WDR7: variants seen among roughly 807,000 people sequenced by gnomAD.
WDR7 encodes the protein WD repeat domain 7, also known as WD repeat-containing protein 7.
WDR7 carries 46 observed loss-of-function variants against 169.4 expected under a neutral mutation model. The ratio of observed to expected loss-of-function variants is 0.27; its 90% CI spans 0.21 to 0.35. The LOEUF is 0.35. Ranked by LOEUF, WDR7 falls within the 10% of genes least tolerant of loss-of-function variation. The probability of loss-of-function intolerance (pLI) is 1.00; values close to 1 mark genes in which losing one functional copy is unlikely to be tolerated. For missense variants in WDR7, 1,534 were observed against 1,859.3 expected, an observed-to-expected ratio of 0.83 and a Z score of 3.22; for synonymous variants, 612 against 666.8, an observed-to-expected ratio of 0.92 and a Z score of 1.27.
At chr18:56,717,298 C>G (rs1362923252) in intron 12 of WDR7, among the ~76,000 whole-genome samples, 1 of 152,030 alleles carries the variant, frequency 6.6e-6, no homozygotes, top group Non-Finnish European at 1.5e-5. Flanking sequence ...TATATCTTGT[C>G]TTGTTCTAAA....
chr18:56,804,430 AATTT>A (rs2044731904), intron 19 of WDR7, among the ~76,000 whole-genome samples: 1 of 152,242 alleles, frequency 6.6e-6, no homozygotes, highest in South Asian at 2.1e-4. Context: ...TTTTATAGAG[AATTT>A]ATTTGAGAAA....
At chr18:56,717,023 T>C (rs2026209051) in intron 12 of WDR7, among the ~76,000 whole-genome samples, 1 of 152,218 alleles carries the variant, frequency 6.6e-6, no homozygotes, top group African/African-American at 2.4e-5. Context: ...GTTTTTTCTT[T>C]AGATCCCATA....
At position 56,939,403 on chromosome 18, in the gene WDR7, C is replaced by T; in HGVS notation, c.4064+10C>T. Reference sequence around the variant, plus strand: ...TCCCAGCCATCTGCAGGTAAAGAAGCCTTCAAGAGCATGCAGAATAAATAA... The same window carrying T: ...TCCCAGCCATCTGCAGGTAAAGAAGTCTTCAAGAGCATGCAGAATAAATAA... On this transcript the variant is annotated intron_variant, in intron 25 of 27. Coordinates refer to ENST00000254442, the MANE Select transcript of WDR7 (RefSeq NM_015285.3). 1 of 1,537,842 alleles carries T rather than the reference C, an allele frequency of 6.5e-7. No homozygotes were observed. The highest frequency in any genetic ancestry group is 1.4e-5 in the African/African-American group (1 of 71,968).
intron 19 of WDR7, among the ~76,000 whole-genome samples, chr18:56,810,049 A>G (rs749832563): frequency 3.3e-5 from 5 of 152,160 alleles, no homozygotes; most frequent in Non-Finnish European, 5.9e-5. Flanking sequence ...TGATAGAACT[A>G]AATAATGTAG....
At chr18:56,911,060 A>C (rs2046545264) in intron 21 of WDR7, among the ~76,000 whole-genome samples, 1 of 152,136 alleles carries the variant, frequency 6.6e-6, no homozygotes, top group African/African-American at 2.4e-5. Context: ...TCTTGTAAAT[A>C]CACCAGCACC....
rs80170647 is a variant in WDR7 at position 56,911,264 on chromosome 18, G to A, written c.3527-12658G>A. Among the ~76,000 whole-genome samples, 11 of 152,282 alleles carry A rather than the reference G, an allele frequency of 7.2e-5. No homozygotes were observed. In the East Asian group the frequency reaches 2.1e-3, roughly 29 times the overall value. Reference sequence around the variant, plus strand: ...ACCTCTTTACTGCGCTGACTCTAATGTGACATGTTTATTGCCTTAACTAAC... The same window carrying A: ...ACCTCTTTACTGCGCTGACTCTAATATGACATGTTTATTGCCTTAACTAAC... On this transcript the variant is annotated intron_variant, in intron 21 of 27. Coordinates refer to ENST00000254442, the MANE Select transcript of WDR7 (RefSeq NM_015285.3).
At chr18:56,769,513 T>A (rs1013511345) in intron 16 of WDR7, among the ~76,000 whole-genome samples, 2 of 152,190 alleles carry the variant, frequency 1.3e-5, no homozygotes, top group Non-Finnish European at 2.9e-5. Context: ...TACGTTCTAA[T>A]GTACTGTATT....
At chr18:56,725,773 T>G (rs1240359177) in intron 13 of WDR7, among the ~76,000 whole-genome samples, 2 of 152,146 alleles carry the variant, frequency 1.3e-5, no homozygotes, top group African/African-American at 4.8e-5. Flanking sequence ...TCTTCTAGGG[T>G]TTTTATGGTT....
At chr18:56,901,784 T>G (rs1488762715) in intron 21 of WDR7, among the ~76,000 whole-genome samples, 1 of 152,128 alleles carries the variant, frequency 6.6e-6, no homozygotes, top group Non-Finnish European at 1.5e-5. Context: ...CAATGTATTT[T>G]CTCCAAAATA....
chr18:56,653,350 G>A (rs1240501659), intron 1 of WDR7, among the ~76,000 whole-genome samples: 1 of 152,066 alleles, frequency 6.6e-6, no homozygotes, highest in African/African-American at 2.4e-5. Flanking sequence ...TGGGATTACA[G>A]ACTGTGCCAC....
At chr18:56,667,852 T>C (rs561278849) in intron 1 of WDR7, among the ~76,000 whole-genome samples, 1 of 152,262 alleles carries the variant, frequency 6.6e-6, no homozygotes, top group South Asian at 2.1e-4. Flanking sequence ...CACCATATAT[T>C]TATTAAAGAT....
intron 21 of WDR7, among the ~76,000 whole-genome samples, chr18:56,881,429 A>G (rs1229731763): frequency 6.6e-6 from 1 of 152,052 alleles, no homozygotes; most frequent in African/African-American, 2.4e-5. Flanking sequence ...CTGGTGGGGC[A>G]TAGAGAGGTT....
At chr18:56,923,580 C>T (rs1018495409) in intron 21 of WDR7, among the ~76,000 whole-genome samples, 19 of 152,216 alleles carry the variant, frequency 1.2e-4, no homozygotes, top group Non-Finnish European at 5.9e-5. Flanking sequence ...TACCACATTA[C>T]ATTATTTGAA....
intron 21 of WDR7, among the ~76,000 whole-genome samples, chr18:56,919,011 G>A (rs1040866673): frequency 5.9e-5 from 9 of 152,178 alleles, no homozygotes; most frequent in African/African-American, 1.9e-4. Flanking sequence ...CCAAAAGATA[G>A]TATATTTGTG....
intron 16 of WDR7, among the ~76,000 whole-genome samples, chr18:56,771,566 CA>C (rs1312521611): frequency 6.9e-5 from 10 of 144,142 alleles, no homozygotes; most frequent in Non-Finnish European, 7.6e-5. Context: ...TACCCTCCCC[CA>C]CCCCCCCCCA....
At chr18:57,015,480 T>A (rs914092261) in intron 26 of WDR7, among the ~76,000 whole-genome samples, 2 of 152,190 alleles carry the variant, frequency 1.3e-5, no homozygotes, top group Non-Finnish European at 2.9e-5. Flanking sequence ...ATTCTTAACT[T>A]TTAAACTCTT....
At chr18:56,712,895 A>G (rs2026115737) in intron 12 of WDR7, among the ~76,000 whole-genome samples, 1 of 152,176 alleles carries the variant, frequency 6.6e-6, no homozygotes, top group Non-Finnish European at 1.5e-5. Context: ...CTTTATGAAC[A>G]TTTACTAGAA....
chr18:56,933,375 C>T (rs781042152), intron 22 of WDR7, among the ~76,000 whole-genome samples: 1 of 152,146 alleles, frequency 6.6e-6, no homozygotes, highest in African/African-American at 2.4e-5. Context: ...TTTTTGTGCC[C>T]ACACATAAGA....
chr18:56,712,971 T>G (rs2026117110), intron 12 of WDR7, among the ~76,000 whole-genome samples: 1 of 152,016 alleles, frequency 6.6e-6, no homozygotes, highest in Non-Finnish European at 1.5e-5. Context: ...CAGGCAAGAG[T>G]GGGTGAGCCT....
Sources: allele counts gnomAD v4.1 joint callset (sites outside exome capture counted in the v4.1 genomes callset), GRCh38; gene constraint gnomAD v4.1.1; transcripts MANE v1.5; gene names NCBI Gene and HGNC (gene_info 2026-07-23, HGNC 2026-07-21).